Variants in DNMT3B observed in about 807,000 individuals in gnomAD.
DNMT3B encodes the protein DNA methyltransferase 3 beta.
A neutral mutation model predicts 120.2 loss-of-function variants in DNMT3B; 37 were observed. That is an observed-to-expected ratio of 0.31 (90% CI 0.24 to 0.40). The LOEUF is 0.40. Among genes scored for constraint, DNMT3B ranks in the 10% least tolerant of loss-of-function variants. The pLI is 1.00. For synonymous variants in DNMT3B, 412 were observed against 442.8 expected, an observed-to-expected ratio of 0.93 and a Z score of 0.87; for missense variants, 878 against 1,137.3, an observed-to-expected ratio of 0.77 and a Z score of 3.28.
At chr20:32,767,075 A>G (rs1172732662) in intron 1 of DNMT3B, among the ~76,000 whole-genome samples, 1 of 151,620 alleles carries the variant, frequency 6.6e-6, no homozygotes, top group Non-Finnish European at 1.5e-5. Flanking sequence ...TTTTTTTAGT[A>G]GAGATGGGGT....
chr20:32,762,644 C>A lies in DNMT3B; in HGVS notation c.-62C>A. On this transcript the variant is annotated 5_prime_UTR_variant, in exon 1 of 23. Transcript: ENST00000328111. The stretch of plus-strand genomic sequence containing the variant: ...CGGCCGCCAGCCGGCCTCCCGCCAG[C>A]CAGCCCCGACCCGCGGCTCCGCCGC... 1 of 237,492 alleles carries A rather than the reference C, an allele frequency of 4.2e-6. No homozygotes were observed. Among genetic ancestry groups the A allele is most frequent in the Admixed American group, 5.1e-5 (1 of 19,490 alleles). The allele number at this position is 237,492 out of a possible 1,614,324, so 14.7% of individuals were successfully genotyped here.
At chr20:32,797,454 G>A (rs1470913858) in intron 14 of DNMT3B, among the ~76,000 whole-genome samples, 155 bp downstream of exon 14, 1 of 152,196 alleles carries the variant, frequency 6.6e-6, no homozygotes, top group African/African-American at 2.4e-5. Context: ...ATATTTTGTG[G>A]TGGCTGTGGT....
chr20:32,804,684 C>CTTTT (rs537765800), intron 20 of DNMT3B, among the ~76,000 whole-genome samples: 19 of 112,666 alleles, frequency 1.7e-4, no homozygotes, highest in African/African-American at 5.1e-4. Context: ...GGTGCTTAGT[C>CTTTT]TTTTTTTTTT....
rs1159467154 is a variant in DNMT3B, at chr20:32,772,887, T to TTG, written c.-6-7430_-6-7429insGT. The stretch of plus-strand genomic sequence containing the variant: ...CTGTTTGGACACATTTTTTTTTTTT[T>TTG]TTTTTGAGATGGAGTTTCGCTCTTG... On this transcript the variant is annotated intron_variant, in intron 1 of 22. Coordinates refer to ENST00000328111, the MANE Select transcript of DNMT3B (RefSeq NM_006892.4). Among the ~76,000 whole-genome samples the TTG allele has an allele frequency of 2.9e-3, 440 of 151,180 alleles. 2 individuals carry two copies. Among genetic ancestry groups the TTG allele is most frequent in the Middle Eastern group, 6.8e-3 (2 of 294 alleles).
intron 19 of DNMT3B, 49 bp downstream of exon 19, chr20:32,801,475 A>G (rs758743978): frequency 1.2e-6 from 2 of 1,611,880 alleles, no homozygotes; most frequent in East Asian, 2.2e-5. Flanking sequence ...GGGCAGGGAA[A>G]GCGCTGCTGG....
chr20:32,794,937 T>C (rs1980430253), intron 10 of DNMT3B, among the ~76,000 whole-genome samples: 1 of 152,214 alleles, frequency 6.6e-6, no homozygotes, highest in Non-Finnish European at 1.5e-5. Context: ...TCATAAAACG[T>C]GCATTTGAGA....
chr20:32,802,528 C>G (rs1245107244), intron 20 of DNMT3B, 58 bp downstream of exon 20: 36 of 1,532,740 alleles, frequency 2.3e-5, no homozygotes, highest in Non-Finnish European at 1.8e-6. Flanking sequence ...TGATAACAAG[C>G]TCTGACATTC....
chr20:32,785,663 C>T (rs1377995821), intron 4 of DNMT3B, among the ~76,000 whole-genome samples: 1 of 152,172 alleles, frequency 6.6e-6, no homozygotes, highest in Non-Finnish European at 1.5e-5. Flanking sequence ...ATTCCAGCAA[C>T]TTAACTGAGG....
At chr20:32,800,999 A>G (rs1981269404) in intron 18 of DNMT3B, 74 bp downstream of exon 18, 1 of 1,562,972 alleles carries the variant, frequency 6.4e-7, no homozygotes, top group African/African-American at 1.4e-5. Flanking sequence ...CAGCAGCCTG[A>G]GAAGGAGCCA....
In DNMT3B at chr20:32,780,484, C is replaced by T. The variant is rs546883331; in HGVS notation, c.142+19C>T. 6.2e-6 allele frequency: 10 copies of T among 1,610,052 alleles called. No individual in the cohort carries two copies. The South Asian group carries it at 1.1e-4, about 18-fold the overall frequency. On this transcript the variant is annotated intron_variant, in intron 2 of 22. Coordinates refer to ENST00000328111, the MANE Select transcript of DNMT3B (RefSeq NM_006892.4). ...ATCAGAGGTGGCTGGGCAGTGGGGA[C>T]TGGGGTGGTGTCAGGCGCTGACATA...
At chr20:32,770,130 T>C (rs1163813843) in intron 1 of DNMT3B, among the ~76,000 whole-genome samples, 2 of 152,124 alleles carry the variant, frequency 1.3e-5, no homozygotes, top group East Asian at 1.9e-4. Flanking sequence ...AAATTATTTT[T>C]GAGACAGGGT....
At chr20:32,796,891 C>T (rs765609391) in intron 13 of DNMT3B, 22 bp downstream of exon 13, 8 of 1,614,198 alleles carry the variant, frequency 5.0e-6, no homozygotes, top group Non-Finnish European at 5.9e-6. Flanking sequence ...TACTACTGCC[C>T]TGGACCTTCC....
At chr20:32,790,601 C>T (rs753962986) in intron 7 of DNMT3B, among the ~76,000 whole-genome samples, 5 of 152,132 alleles carry the variant, frequency 3.3e-5, no homozygotes, top group Non-Finnish European at 7.3e-5. Context: ...TCAGGCATTC[C>T]GTGATAAAAT....
At chr20:32,765,970 G>T (rs1228114808) in intron 1 of DNMT3B, among the ~76,000 whole-genome samples, 1 of 151,604 alleles carries the variant, frequency 6.6e-6, no homozygotes, top group Non-Finnish European at 1.5e-5. Flanking sequence ...TGTTCGCCAG[G>T]ATGGTCTCAA....
At chr20:32,775,449 G>C (rs115770206) in intron 1 of DNMT3B, among the ~76,000 whole-genome samples, 8 of 152,356 alleles carry the variant, frequency 5.3e-5, no homozygotes, top group African/African-American at 1.4e-4. Context: ...CCTCCTCTGA[G>C]TCTAATTGGG....
chr20:32,786,137 G>T (rs1337612881), intron 4 of DNMT3B, among the ~76,000 whole-genome samples: 1 of 152,146 alleles, frequency 6.6e-6, no homozygotes, highest in Non-Finnish European at 1.5e-5. Context: ...GCCCGCCTTG[G>T]CCTCCCAAAG....
At chr20:32,802,780 G>T (rs753353491) in intron 20 of DNMT3B, among the ~76,000 whole-genome samples, 1 of 152,106 alleles carries the variant, frequency 6.6e-6, no homozygotes, top group Non-Finnish European at 1.5e-5. Flanking sequence ...CTGGAGGATC[G>T]CTTGAGCCCA....
chr20:32,801,588 GA>G (rs1195218817), intron 19 of DNMT3B, among the ~76,000 whole-genome samples, 162 bp downstream of exon 19: 1 of 152,094 alleles, frequency 6.6e-6, no homozygotes, highest in Non-Finnish European at 1.5e-5. Context: ...TTAGTACATG[GA>G]AAATATTTTT....
Position 32,799,458 on chromosome 20 carries a change from A to G in DNMT3B, c.1759+130A>G, listed in dbSNP as rs142232605. The G allele has an allele frequency of 8.9e-5, 89 of 1,001,834 alleles. No homozygotes were observed. In the African/African-American group the frequency reaches 1.3e-3, roughly 15 times the overall value. 62.1% of individuals were successfully genotyped at this position (1,001,834 alleles called of 1,614,324 possible). ...CCCTGGGGATTACCAGCCCTGAAAAAAACCCTGTCTCCTTGTTTCTCTCCA... is the reference window on the plus strand; with the variant it reads ...CCCTGGGGATTACCAGCCCTGAAAAGAACCCTGTCTCCTTGTTTCTCTCCA... On this transcript the variant is annotated intron_variant, in intron 16 of 22. Coordinates refer to ENST00000328111, the MANE Select transcript of DNMT3B (RefSeq NM_006892.4).
Sources: gnomAD v4.1 joint callset for allele counts (sites outside exome capture counted in the v4.1 genomes callset) on GRCh38, gnomAD v4.1.1 for gene constraint, MANE v1.5 for transcripts, NCBI Gene and HGNC (gene_info 2026-07-23, HGNC 2026-07-21) for gene names.